CTPS2: variants seen among roughly 807,000 people sequenced by gnomAD.
CTPS2 encodes CTP synthase II.
In CTPS2, 19 loss-of-function variants were observed where a neutral mutation model predicts 46.8. The ratio of observed to expected loss-of-function variants is 0.41; its 90% CI spans 0.28 to 0.60. The LOEUF (loss-of-function observed/expected upper bound fraction) is 0.60. CTPS2 is among the 20% of genes least tolerant of loss of function. CTPS2 has a pLI of 0.35. For missense variants in CTPS2, 286 were observed against 447.6 expected, an observed-to-expected ratio of 0.64 and a Z score of 3.26; for synonymous variants, 151 against 165.2, an observed-to-expected ratio of 0.91 and a Z score of 0.66.
At chrX:16,632,663 A>G (rs1479656121) in intron 14 of CTPS2, among the ~76,000 whole-genome samples, 1 of 111,615 alleles carries the variant, frequency 9.0e-6, no homozygotes. Flanking sequence ...ACCTCAAGTG[A>G]TCTGGCCGCC....
intron 13 of CTPS2, among the ~76,000 whole-genome samples, chrX:16,655,290 C>A (rs1258321384): frequency 8.9e-6 from 1 of 112,017 alleles, no homozygotes; most frequent in Admixed American, 9.5e-5. Context: ...ACCAGCCTAA[C>A]GCCATGGTAC....
intron 8 of CTPS2, among the ~76,000 whole-genome samples, chrX:16,689,051 A>G (rs1170272525): frequency 1.8e-5 from 2 of 111,480 alleles, no homozygotes; most frequent in African/African-American, 6.5e-5. Flanking sequence ...GTGAGCCGAG[A>G]TCGTGCCACT....
intron 1 of CTPS2, among the ~76,000 whole-genome samples, chrX:16,707,186 T>C (rs778646228): frequency 7.1e-5 from 8 of 112,284 alleles, no homozygotes; most frequent in Non-Finnish European, 1.1e-4. Flanking sequence ...TTTTGTTTTA[T>C]AGGAAGCCCA....
At chrX:16,689,632 G>C (rs1265204151) in intron 7 of CTPS2, 31 bp from the exon 8 acceptor site, 2 of 1,169,384 alleles carry the variant, frequency 1.7e-6, no homozygotes, top group African/African-American at 3.5e-5. Context: ...ACCATACTTA[G>C]ATGGATCTAT....
intron 11 of CTPS2, among the ~76,000 whole-genome samples, chrX:16,669,015 C>G (rs781717689): frequency 2.2e-4 from 25 of 111,284 alleles, no homozygotes; most frequent in Non-Finnish European, 3.6e-4. Context: ...CAGGCTTGGC[C>G]AGAGGTTGAG....
chrX:16,649,732 C>T (rs958799385), intron 13 of CTPS2, among the ~76,000 whole-genome samples: 6 of 112,327 alleles, frequency 5.3e-5, no homozygotes, highest in Non-Finnish European at 9.4e-5. Flanking sequence ...CTCAAGCAAT[C>T]CTCCTGCCTC....
At chrX:16,661,494 A>T (rs191962457) in intron 13 of CTPS2, among the ~76,000 whole-genome samples, 154 of 112,126 alleles carry the variant, frequency 1.4e-3, no homozygotes, top group Non-Finnish European at 2.4e-3. Context: ...GTTGAAAAAT[A>T]ATACAGATGA....
chrX:16,701,945 T>C (rs753818018), intron 2 of CTPS2, among the ~76,000 whole-genome samples: 6 of 111,461 alleles, frequency 5.4e-5, no homozygotes, highest in Admixed American at 2.9e-4. Context: ...TTACACAGTG[T>C]GTTCATTTAA....
At chrX:16,604,444 G>A (rs1228629435) in intron 17 of CTPS2, among the ~76,000 whole-genome samples, 1 of 112,022 alleles carries the variant, frequency 8.9e-6, no homozygotes, top group Non-Finnish European at 1.9e-5. Context: ...GCTCCCAAGA[G>A]CCTTGCAGGC....
chrX:16,633,912 C>T (rs1340254908), intron 14 of CTPS2, among the ~76,000 whole-genome samples: 2 of 111,903 alleles, frequency 1.8e-5, no homozygotes, highest in African/African-American at 6.5e-5. Flanking sequence ...AATCCAACTC[C>T]TGGAAATCTA....
At chrX:16,684,528 A>C (rs918274907) in intron 8 of CTPS2, among the ~76,000 whole-genome samples, 6 of 108,491 alleles carry the variant, frequency 5.5e-5, no homozygotes, top group African/African-American at 2.0e-4. Context: ...AAAAAAAAAA[A>C]CAAAAACAAA....
At chrX:16,693,956 G>C (rs2147362266) in intron 4 of CTPS2, among the ~76,000 whole-genome samples, 1 of 110,925 alleles carries the variant, frequency 9.0e-6, no homozygotes, top group Non-Finnish European at 1.9e-5. Flanking sequence ...CACAGGTCAG[G>C]AGATCGGGAC....
chrX:16,662,497 C>G (rs958215387), intron 13 of CTPS2, among the ~76,000 whole-genome samples: 1 of 110,776 alleles, frequency 9.0e-6, no homozygotes, highest in Non-Finnish European at 1.9e-5. Flanking sequence ...TCATGCATGC[C>G]AAAGGAGGGT....
intron 13 of CTPS2, among the ~76,000 whole-genome samples, chrX:16,658,963 C>T (rs1257228469): frequency 3.6e-5 from 4 of 111,929 alleles, no homozygotes; most frequent in Non-Finnish European, 7.5e-5. Context: ...AATTTAATTC[C>T]CAGGATAAAC....
At chrX:16,674,189 GT>G (rs1178427406) in intron 10 of CTPS2, among the ~76,000 whole-genome samples, 1 of 108,988 alleles carries the variant, frequency 9.2e-6, no homozygotes, top group Non-Finnish European at 1.9e-5. Context: ...TTCAGACGAA[GT>G]TTCACTCTTG....
At chrX:16,624,429 C>T (rs112076671) in intron 14 of CTPS2, among the ~76,000 whole-genome samples, 3 of 111,609 alleles carry the variant, frequency 2.7e-5, no homozygotes, top group Admixed American at 9.6e-5. Flanking sequence ...TTCTGGAGCC[C>T]GGGTACCCCA....
chrX:16,609,913 C>T (rs1930179768), intron 16 of CTPS2, among the ~76,000 whole-genome samples: 1 of 112,105 alleles, frequency 8.9e-6, no homozygotes, highest in African/African-American at 3.2e-5. Context: ...TGAGCAAAGT[C>T]AAGCAAAAAT....
intron 11 of CTPS2, among the ~76,000 whole-genome samples, chrX:16,668,349 C>T (rs369929681): frequency 1.9e-5 from 2 of 102,622 alleles, no homozygotes; most frequent in Non-Finnish European, 3.9e-5. Flanking sequence ...CTGAGTTGGG[C>T]GGATCACGAG....
At chrX:16,695,873 CAG>C (rs1334767495) in intron 4 of CTPS2, among the ~76,000 whole-genome samples, 2 of 104,482 alleles carry the variant, frequency 1.9e-5, no homozygotes. Flanking sequence ...TTTTTAAAGA[CAG>C]AGTCTCGCTC....
Sources: allele counts gnomAD v4.1 joint callset (sites outside exome capture counted in the v4.1 genomes callset), GRCh38; gene constraint gnomAD v4.1.1; transcripts MANE v1.5; gene names NCBI Gene and HGNC (gene_info 2026-07-23, HGNC 2026-07-21).